Variants in ITLN2 observed in about 807,000 individuals in gnomAD.
ITLN2 encodes the protein intelectin-2.
In ITLN2, 29 loss-of-function variants were observed where a neutral mutation model predicts 39.4. The observed-to-expected ratio is 0.74, with a 90% CI of 0.55 to 1.00. ITLN2 has a LOEUF of 1.00. Ranked by LOEUF, ITLN2 falls within the 50% of genes least tolerant of loss-of-function variation. The probability of loss-of-function intolerance (pLI) is 0.00; values close to 1 mark genes in which losing one functional copy is unlikely to be tolerated. For missense variants in ITLN2, 412 were observed against 416.7 expected (o/e 0.99, Z 0.10); for synonymous variants, 156 against 153.4 (o/e 1.02, Z -0.12).
chr1:160,950,025 A>G (rs1570972783), intron 6 of ITLN2, 21 bp downstream of exon 6: 1 of 1,609,318 alleles, frequency 6.2e-7, no homozygotes, highest in Non-Finnish European at 8.5e-7. Context: ...TTATGACTGG[A>G]CTTAGGGAGC....
chr1:160,952,803 C>T, intron 2 of ITLN2, 70 bp from the exon 3 acceptor site: 5 of 1,123,954 alleles, frequency 4.4e-6, no homozygotes, highest in Non-Finnish European at 6.7e-6. Flanking sequence ...CCAATCTCTG[C>T]CCCTGTATCA....
chr1:160,950,577 T>A lies in ITLN2; in HGVS notation c.576A>T (p.Gly192=). 1 of 1,614,146 alleles carries A rather than the reference T, an allele frequency of 6.2e-7. No individual in the cohort carries two copies. Among genetic ancestry groups the A allele is most frequent in the Non-Finnish European group, 8.5e-7 (1 of 1,179,998 alleles). ...RTNTGFLQRL[G]HNLFGIYQKY... The stretch of plus-strand genomic sequence containing the variant: ...CCTGGTAGATGCCAAACAGATTATG[T>A]CCCAGTCTCTGGAGGAAGCCAGTGT... Residue 192 remains glycine (G), a synonymous_variant, in exon 5 of 8, where the codon GGA becomes GGT. Transcript: ENST00000368029.
chr1:160,945,314 C>T (rs745642910), intron 7 of ITLN2, 22 bp from the exon 8 acceptor site: 6 of 1,519,718 alleles, frequency 3.9e-6, no homozygotes, highest in South Asian at 1.3e-5. Flanking sequence ...AAAGAAGAAA[C>T]ACTGTGAGGA....
At chr1:160,951,526 G>A in intron 3 of ITLN2, 2 of 510,340 alleles carry the variant, frequency 3.9e-6, no homozygotes, top group East Asian at 3.5e-5. Context: ...TCTTAGAAGA[G>A]ACAGAGATGG....
chr1:160,952,054 A>G (rs1017888583), intron 3 of ITLN2, among the ~76,000 whole-genome samples: 4 of 152,020 alleles, frequency 2.6e-5, no homozygotes, highest in Non-Finnish European at 5.9e-5. Flanking sequence ...TTGTGTTGTC[A>G]CTCGCCCTCT....
At chr1:160,954,704 TG>T (rs1446394795) in intron 1 of ITLN2, 22 bp downstream of exon 1, 1 of 1,613,732 alleles carries the variant, frequency 6.2e-7, no homozygotes, top group Non-Finnish European at 8.5e-7. Context: ...CCCACACACA[TG>T]GATCAAAAAC....
intron 3 of ITLN2, among the ~76,000 whole-genome samples, chr1:160,951,691 C>T (rs1022119928): frequency 2.0e-5 from 3 of 152,312 alleles, no homozygotes; most frequent in South Asian, 2.1e-4. Context: ...TCAGAGTTCC[C>T]CTCCTGTTCA....
intron 3 of ITLN2, chr1:160,951,567 CCAG>C: frequency 5.3e-6 from 2 of 378,782 alleles, no homozygotes; most frequent in Non-Finnish European, 9.4e-6. Flanking sequence ...CACCCTGTGG[CCAG>C]GAGAGGCCAG....
chr1:160,946,262 G>A (rs1324183496), intron 7 of ITLN2, among the ~76,000 whole-genome samples: 2 of 152,098 alleles, frequency 1.3e-5, no homozygotes, highest in African/African-American at 2.4e-5. Flanking sequence ...AGTGAGCAGA[G>A]ATCCTGCCAT....
In ITLN2 at chr1:160,950,545, C is replaced by G; in HGVS notation, c.600+8G>C. On this transcript the variant is annotated splice_region_variant and intron_variant, in intron 5 of 7. Coordinates refer to ENST00000368029, the MANE Select transcript of ITLN2 (RefSeq NM_080878.3). ...AGAAAGTGCCCCCCAGCCAGCAGCC[C>G]TGTGTACCTGGTAGATGCCAAACAG... 6.2e-7 allele frequency: 1 copy of G among 1,613,150 alleles called. No homozygotes were observed. Among genetic ancestry groups the G allele is most frequent in the Non-Finnish European group, 8.5e-7 (1 of 1,179,414 alleles).
chr1:160,951,330 C>T (rs1671739091), intron 3 of ITLN2, 40 bp from the exon 4 acceptor site: 1 of 1,535,684 alleles, frequency 6.5e-7, no homozygotes, highest in African/African-American at 1.4e-5. Flanking sequence ...TGTCTGAGAG[C>T]TCAGGGTTCA....
intron 5 of ITLN2, 48 bp downstream of exon 5, chr1:160,950,505 A>T (rs1180874199): frequency 1.3e-6 from 2 of 1,594,946 alleles, no homozygotes; most frequent in Non-Finnish European, 1.7e-6. Context: ...AGACACTTCG[A>T]TCTCTGTTCA....
Position 160,945,221 on chromosome 1 carries a change from G to C in ITLN2, c.897C>G (p.Asp299Glu), listed in dbSNP as rs773983324. 1.2e-6 allele frequency: 2 copies of C among 1,607,716 alleles called. No individual in the cohort carries two copies. Among genetic ancestry groups the C allele is most frequent in the African/African-American group, 2.7e-5 (2 of 74,402 alleles). Reference protein sequence around the residue: ...PRQCGDFSAFDWDGYGTHVKS... With the variant: ...PRQCGDFSAFEWDGYGTHVKS... ...TAACGTGAGTTCCATATCCATCCCA[G>C]TCAAAGGCGGAGAAGTCCCCACACT... The change falls in exon 8 of 8, where the codon GAC (aspartate) becomes GAG (glutamate). Residue 299 changes from aspartate (D) to glutamate (E), a missense_variant. By Grantham distance (45) the Asp-to-Glu change is conservative. Coordinates refer to ENST00000368029, the MANE Select transcript of ITLN2 (RefSeq NM_080878.3).
chr1:160,952,849 G>A (rs1671776514), intron 2 of ITLN2, 116 bp from the exon 3 acceptor site: 2 of 722,790 alleles, frequency 2.8e-6, no homozygotes, highest in South Asian at 3.3e-5. Flanking sequence ...AGGAGGTCAG[G>A]GATTCCCTAT....
In ITLN2 at chr1:160,954,710, A is replaced by G; in HGVS notation, c.15+17T>C. On this transcript the variant is annotated intron_variant, in intron 1 of 7. Coordinates refer to ENST00000368029, the MANE Select transcript of ITLN2 (RefSeq NM_080878.3). ...ATCATTGCTCCCACACACATGGATC[A>G]AAAACATTTTTCTCACCAGCATGGA... The G allele has an allele frequency of 6.2e-7, 1 of 1,613,826 alleles. No individual in the cohort carries two copies.
intron 7 of ITLN2, among the ~76,000 whole-genome samples, chr1:160,945,779 C>G (rs950408423): frequency 6.6e-6 from 1 of 152,184 alleles, no homozygotes; most frequent in East Asian, 1.9e-4. Context: ...CTCTGACGCT[C>G]TCTTCCTCCA....
chr1:160,947,842 G>C (rs1671640291), intron 7 of ITLN2, 87 bp downstream of exon 7: 3 of 926,234 alleles, frequency 3.2e-6, no homozygotes, highest in Admixed American at 2.2e-5. Context: ...AGTTTCTTAT[G>C]TCTTCCTTTT....
At position 160,945,634 on chromosome 1, in the gene ITLN2, A is replaced by G. The variant is rs142513394; in HGVS notation, c.826-342T>C. On this transcript the variant is annotated intron_variant, in intron 7 of 7. Coordinates refer to ENST00000368029, the MANE Select transcript of ITLN2 (RefSeq NM_080878.3). ...CGAATTCTAATCTGCGAGTCCCTCC[A>G]TGAGAGAATAGCTGCCTCATCTTAG... Among the ~76,000 whole-genome samples the G allele has an allele frequency of 1.9e-3, 294 of 152,316 alleles. 2 individuals carry two copies. Among genetic ancestry groups the G allele is most frequent in the African/African-American group, 6.7e-3 (278 of 41,582 alleles).
intron 6 of ITLN2, chr1:160,948,958 A>C (rs1468023661): frequency 6.6e-6 from 1 of 152,244 alleles, no homozygotes; most frequent in Admixed American, 6.5e-5. Flanking sequence ...GCTCAGCATA[A>C]GGAGGACCCG....
Sources: allele counts gnomAD v4.1 joint callset (sites outside exome capture counted in the v4.1 genomes callset), GRCh38; gene constraint gnomAD v4.1.1; transcripts MANE v1.5; gene names NCBI Gene and HGNC (gene_info 2026-07-23, HGNC 2026-07-21).